JADE3: variants seen among roughly 807,000 people sequenced by gnomAD.
The protein encoded by JADE3 is jade family PHD finger 3.
Under a neutral mutation model 50.1 loss-of-function variants are expected in JADE3, and 2 were observed. That is an observed-to-expected ratio of 0.04 (90% CI 0.02 to 0.13). JADE3 has a LOEUF of 0.13. Among genes scored for constraint, JADE3 ranks in the 10% least tolerant of loss-of-function variants. The probability of loss-of-function intolerance (pLI) is 1.00; values close to 1 mark genes in which losing one functional copy is unlikely to be tolerated. For synonymous variants in JADE3, 218 were observed against 232.9 expected, an observed-to-expected ratio of 0.94 and a Z score of 0.58; for missense variants, 475 against 634.4, an observed-to-expected ratio of 0.75 and a Z score of 2.70.
chrX:47,023,660 C>T (rs782140007), intron 4 of JADE3, among the ~76,000 whole-genome samples: 42 of 112,430 alleles, frequency 3.7e-4, no homozygotes, highest in Non-Finnish European at 6.4e-4. Flanking sequence ...GTAATCCCAG[C>T]GCTTTGGGAG....
rs782805234 is a variant in JADE3 at position 47,033,566 on chromosome X, C to A, written c.688-55C>A. 1.8e-5 allele frequency: 19 copies of A among 1,033,914 alleles called. No homozygotes were observed. The East Asian group carries it at 4.3e-4, about 23-fold the overall frequency. 85.2% of individuals were successfully genotyped at this position (1,033,914 alleles called of 1,213,427 possible). On this transcript the variant is annotated intron_variant, in intron 6 of 10. Coordinates refer to ENST00000614628, the MANE Select transcript of JADE3 (RefSeq NM_014735.5). ...CTGTGACTGTGTATCAGAACAGATA[C>A]CAACCCTGGTGAGAAGGTGCTGACC...
Position 46,974,082 on chromosome X carries a change from G to GAAAAC in JADE3, c.-11-10778_-11-10774dup, listed in dbSNP as rs376681989. 3.5e-3 allele frequency among the ~76,000 whole-genome samples: 379 copies of GAAAAC among 106,923 alleles called. 4 individuals carry two copies. The highest frequency in any genetic ancestry group is 5.4e-3 in the Admixed American group (53 of 9,841). 92.8% of individuals were successfully genotyped at this position (106,923 alleles called of 115,157 possible). A position where few individuals can be genotyped will look rare whatever the true frequency, so the allele number is the denominator to read the frequency against. On this transcript the variant is annotated intron_variant, in intron 1 of 10. Transcript: ENST00000614628. Reference sequence around the variant, plus strand: ...GCAACAAGAGCGAAACTCCATCTCAGAAAACAAAACAAAACAAAACAAAAC... The same window carrying GAAAAC: ...GCAACAAGAGCGAAACTCCATCTCAGAAAACAAAACAAAACAAAACAAAACAAAAC...
At chrX:46,917,856 AT>A (rs1926132228) in intron 1 of JADE3, among the ~76,000 whole-genome samples, 1 of 8,081 alleles carries the variant, frequency 1.2e-4, no homozygotes, top group African/African-American at 3.0e-4. Flanking sequence ...TCTCTCTCTC[AT>A]CCTCTCTCTC....
chrX:47,033,829 G>A, intron 7 of JADE3, 41 bp downstream of exon 7: 1 of 1,070,321 alleles, frequency 9.3e-7, no homozygotes, highest in African/African-American at 1.8e-5. Context: ...TTGCTCCAGG[G>A]TGTCCCTGTT....
chrX:46,982,545 G>A (rs1431177272), intron 1 of JADE3, among the ~76,000 whole-genome samples: 1 of 111,175 alleles, frequency 9.0e-6, no homozygotes, highest in Non-Finnish European at 1.9e-5. Context: ...ATAATATATT[G>A]TAACAATTGT....
chrX:46,955,972 A>G (rs1927104286), intron 1 of JADE3, among the ~76,000 whole-genome samples: 1 of 112,015 alleles, frequency 8.9e-6, no homozygotes. Context: ...CCATAGTCAC[A>G]CACAGCAAAT....
chrX:47,002,696 A>C (rs1556359401), intron 4 of JADE3, among the ~76,000 whole-genome samples: 1 of 109,544 alleles, frequency 9.1e-6, no homozygotes, highest in Admixed American at 9.9e-5. Context: ...AAAAAAAAAA[A>C]AGAGGTTCCT....
intron 10 of JADE3, among the ~76,000 whole-genome samples, chrX:47,057,312 G>C (rs1216661693): frequency 9.0e-6 from 1 of 111,563 alleles, no homozygotes; most frequent in African/African-American, 3.3e-5. Flanking sequence ...ATTTTTGTGA[G>C]GGTACAGTAA....
intron 3 of JADE3, among the ~76,000 whole-genome samples, chrX:46,987,029 AG>A (rs1392395343): frequency 1.8e-5 from 2 of 112,188 alleles, no homozygotes; most frequent in Non-Finnish European, 3.8e-5. Context: ...TTCTTTGTTC[AG>A]GATCTTTCAG....
At chrX:47,034,667 T>C (rs1556367475) in intron 7 of JADE3, among the ~76,000 whole-genome samples, 1 of 110,219 alleles carries the variant, frequency 9.1e-6, no homozygotes, top group Non-Finnish European at 1.9e-5. Flanking sequence ...TGGCGCTATC[T>C]CGGCTCACTG....
At chrX:47,039,919 A>G (rs1602419131) in intron 8 of JADE3, among the ~76,000 whole-genome samples, 2 of 111,348 alleles carry the variant, frequency 1.8e-5, no homozygotes, top group Admixed American at 1.9e-4. Flanking sequence ...GTAGGCCCCA[A>G]TGTCTGTTGT....
intron 3 of JADE3, among the ~76,000 whole-genome samples, chrX:46,996,629 T>C (rs1013893245): frequency 4.5e-5 from 5 of 111,837 alleles, no homozygotes; most frequent in Non-Finnish European, 9.4e-5. Context: ...CATTGATTGA[T>C]TTGTGGATCA....
chrX:47,035,360 T>C (rs1929111408), intron 7 of JADE3, among the ~76,000 whole-genome samples: 1 of 112,125 alleles, frequency 8.9e-6, no homozygotes, highest in Non-Finnish European at 1.9e-5. Context: ...ATATATATAC[T>C]TTTGTATTCC....
chrX:46,933,870 A>T (rs1249256985), intron 1 of JADE3, among the ~76,000 whole-genome samples: 4 of 102,908 alleles, frequency 3.9e-5, no homozygotes, highest in Non-Finnish European at 7.9e-5. Flanking sequence ...CCTTAAAATT[A>T]AAAAAAAAAA....
At chrX:46,976,772 T>C (rs781961511) in intron 1 of JADE3, among the ~76,000 whole-genome samples, 1 of 112,229 alleles carries the variant, frequency 8.9e-6, no homozygotes, top group South Asian at 3.7e-4. Context: ...TATTTGCTTG[T>C]TTTATGTTCC....
chrX:46,989,778 C>G (rs1927943157), intron 3 of JADE3, among the ~76,000 whole-genome samples: 1 of 111,907 alleles, frequency 8.9e-6, no homozygotes, highest in African/African-American at 3.2e-5. Flanking sequence ...ATTATTTCTT[C>G]AAATATTTTT....
At chrX:46,973,405 T>C (rs1334141704) in intron 1 of JADE3, among the ~76,000 whole-genome samples, 1 of 112,604 alleles carries the variant, frequency 8.9e-6, no homozygotes, top group Non-Finnish European at 1.9e-5. Flanking sequence ...AGATAAAGTC[T>C]TCATTTAGAA....
intron 4 of JADE3, among the ~76,000 whole-genome samples, chrX:47,008,983 C>A (rs1490406756): frequency 9.1e-6 from 1 of 110,077 alleles, no homozygotes; most frequent in Non-Finnish European, 1.9e-5. Context: ...AGTATATGAA[C>A]AATCATCACA....
At chrX:47,018,528 G>A (rs1928725834) in intron 4 of JADE3, among the ~76,000 whole-genome samples, 1 of 110,650 alleles carries the variant, frequency 9.0e-6, no homozygotes, top group Non-Finnish European at 1.9e-5. Flanking sequence ...TAGAGACGGG[G>A]TTTCACTGTG....
Sources: allele counts gnomAD v4.1 joint callset (sites outside exome capture counted in the v4.1 genomes callset), GRCh38; gene constraint gnomAD v4.1.1; transcripts MANE v1.5; gene names NCBI Gene and HGNC (gene_info 2026-07-23, HGNC 2026-07-21).